TENM2: variants seen among roughly 807,000 people sequenced by gnomAD.
The protein encoded by TENM2 is teneurin-2.
A neutral mutation model predicts 245.2 loss-of-function variants in TENM2; 52 were observed. The observed-to-expected ratio is 0.21, with a 90% CI of 0.17 to 0.27. The LOEUF is 0.27. TENM2 is among the 10% of genes least tolerant of loss of function. The probability of loss-of-function intolerance (pLI) is 1.00; values close to 1 mark genes in which losing one functional copy is unlikely to be tolerated. For synonymous variants in TENM2, 1,363 were observed against 1,438.9 expected (o/e 0.95, Z 1.19); for missense variants, 3,046 against 3,666.8 (o/e 0.83, Z 4.37).
At chr5:167,379,586 C>G (rs1760971798) in intron 2 of TENM2, among the ~76,000 whole-genome samples, 2 of 152,134 alleles carry the variant, frequency 1.3e-5, no homozygotes, top group South Asian at 4.1e-4. Context: ...CACTCTATTA[C>G]TCTTACATGC....
chr5:168,131,249 C>A (rs1202090868), intron 12 of TENM2, among the ~76,000 whole-genome samples: 1 of 152,178 alleles, frequency 6.6e-6, no homozygotes, highest in Non-Finnish European at 1.5e-5. Context: ...ACTTCCCAAC[C>A]CTGAGTGAAC....
chr5:167,988,322 C>A (rs1043456006), intron 4 of TENM2, among the ~76,000 whole-genome samples: 1 of 152,148 alleles, frequency 6.6e-6, no homozygotes, highest in Non-Finnish European at 1.5e-5. Flanking sequence ...GTAAGCCAGG[C>A]TCTATTTTAG....
intron 6 of TENM2, among the ~76,000 whole-genome samples, chr5:168,052,143 A>T (rs926390293): frequency 4.5e-4 from 69 of 151,988 alleles, no homozygotes; most frequent in Non-Finnish European, 1.5e-4. Flanking sequence ...CATGCCTGTA[A>T]TCCCAGCACT....
chr5:168,208,958 A>G (rs554234417), intron 19 of TENM2, among the ~76,000 whole-genome samples: 3 of 152,192 alleles, frequency 2.0e-5, no homozygotes, highest in African/African-American at 7.2e-5. Context: ...AAATAACCTA[A>G]TATTTTTATT....
chr5:167,078,320 C>T, the TENM2 span, among the ~76,000 whole-genome samples: 1 of 152,000 alleles, frequency 6.6e-6, no homozygotes, highest in Non-Finnish European at 1.5e-5. Context: ...CCTGTCTCTA[C>T]TAAAAATACA....
chr5:167,203,873 G>C, the TENM2 span, among the ~76,000 whole-genome samples: 1 of 151,854 alleles, frequency 6.6e-6, no homozygotes, highest in African/African-American at 2.4e-5. Context: ...ACAAAAGAGA[G>C]ATGAAGAAAA....
At chr5:167,463,404 A>G (rs536100958) in intron 2 of TENM2, among the ~76,000 whole-genome samples, 3 of 152,220 alleles carry the variant, frequency 2.0e-5, no homozygotes, top group African/African-American at 7.2e-5. Context: ...AAGAGTATTT[A>G]CCCCACAGTA....
At chr5:167,158,034 C>A in the TENM2 span, among the ~76,000 whole-genome samples, 1 of 152,134 alleles carries the variant, frequency 6.6e-6, no homozygotes, top group Admixed American at 6.6e-5. Context: ...CATGACATTT[C>A]TCTTTTTTTA....
chr5:166,984,451 T>A, the TENM2 span, among the ~76,000 whole-genome samples: 1 of 152,056 alleles, frequency 6.6e-6, no homozygotes, highest in Non-Finnish European at 1.5e-5. Flanking sequence ...ACATCTCTCC[T>A]ACTTCAATTA....
intron 3 of TENM2, among the ~76,000 whole-genome samples, chr5:167,878,487 C>T (rs757003287): frequency 3.9e-5 from 6 of 151,982 alleles, no homozygotes; most frequent in Non-Finnish European, 7.4e-5. Flanking sequence ...GTTAAAGCTC[C>T]GGTCAACAGG....
chr5:167,657,391 C>T (rs1181388640), intron 2 of TENM2, among the ~76,000 whole-genome samples: 1 of 152,156 alleles, frequency 6.6e-6, no homozygotes, highest in South Asian at 2.1e-4. Context: ...TGTTGGTGGA[C>T]ACCTATGTTG....
At chr5:167,718,880 C>T (rs1196464207) in intron 2 of TENM2, among the ~76,000 whole-genome samples, 7 of 151,962 alleles carry the variant, frequency 4.6e-5, no homozygotes, top group Non-Finnish European at 8.8e-5. Context: ...GATACTACTG[C>T]CCATTTTTCA....
At chr5:167,206,748 A>G in the TENM2 span, among the ~76,000 whole-genome samples, 6 of 152,224 alleles carry the variant, frequency 3.9e-5, no homozygotes, top group Non-Finnish European at 8.8e-5. Flanking sequence ...TTTATTCAGT[A>G]GTAAATAAAT....
At position 168,114,291 on chromosome 5, in the gene TENM2, T is replaced by A. The variant is rs1794898659; in HGVS notation, c.1814-4001T>A. On this transcript the variant is annotated intron_variant, in intron 9 of 28. Coordinates refer to ENST00000518659, the Ensembl canonical transcript of TENM2. The stretch of plus-strand genomic sequence containing the variant: ...ATCCACAGCTGGTAAGGTACAGGTT[T>A]GGTTTCGAATCCAGGTCTTTCTGGC... 2.0e-5 allele frequency among the ~76,000 whole-genome samples: 3 copies of A among 152,244 alleles called. No individual in the cohort carries two copies. In the South Asian group the frequency reaches 6.2e-4, roughly 32 times the overall value.
intron 3 of TENM2, among the ~76,000 whole-genome samples, chr5:167,912,690 A>G (rs1034149666): frequency 6.6e-6 from 1 of 152,166 alleles, no homozygotes; most frequent in South Asian, 2.1e-4. Flanking sequence ...TGTCTGTGGA[A>G]TGACTTTGGA....
chr5:167,119,340 C>G, the TENM2 span: 1 of 152,192 alleles, frequency 6.6e-6, no homozygotes, highest in South Asian at 2.1e-4. Context: ...CAGAGATGGG[C>G]AGACCCTCAA....
intron 2 of TENM2, among the ~76,000 whole-genome samples, chr5:167,776,253 G>A (rs959697088): frequency 4.7e-5 from 7 of 149,164 alleles, no homozygotes; most frequent in Non-Finnish European, 4.4e-5. Context: ...AAAAAGTAAA[G>A]CAAGGAGTCA....
exon 17 of TENM2, chr5:168,199,875 A>G (rs1761777699): frequency 1.2e-6 from 2 of 1,613,634 alleles, no homozygotes; most frequent in African/African-American, 2.7e-5. Flanking sequence ...TTCTTCATGA[A>G]GAAATCGAGC....
intron 2 of TENM2, among the ~76,000 whole-genome samples, chr5:167,702,553 TATATATATATATATATATAC>T (rs1408955576): frequency 6.3e-5 from 4 of 63,592 alleles, no homozygotes; most frequent in Non-Finnish European, 8.2e-5. Flanking sequence ...TGTGTGTGTG[TATATATATATATATATATAC>T]ATATATATAT....
Sources: allele counts gnomAD v4.1 joint callset (sites outside exome capture counted in the v4.1 genomes callset), GRCh38; gene constraint gnomAD v4.1.1; transcripts MANE v1.5; gene names NCBI Gene and HGNC (gene_info 2026-07-23, HGNC 2026-07-21).